CNTNAP5: variants seen among roughly 807,000 people sequenced by gnomAD.
CNTNAP5 encodes the protein contactin-associated protein-like 5.
Under a neutral mutation model 150.2 loss-of-function variants are expected in CNTNAP5, and 72 were observed. That is an observed-to-expected ratio of 0.48 (90% CI 0.40 to 0.58). CNTNAP5 has a LOEUF of 0.58. Ranked by LOEUF, CNTNAP5 falls within the 20% of genes least tolerant of loss-of-function variation. CNTNAP5 has a pLI of 0.00. For synonymous variants in CNTNAP5, 672 were observed against 619.8 expected (o/e 1.08, Z -1.25); for missense variants, 1,636 against 1,626.2 (o/e 1.01, Z -0.10).
intron 6 of CNTNAP5, among the ~76,000 whole-genome samples, chr2:124,458,776 A>G (rs763948235): frequency 1.3e-5 from 2 of 152,244 alleles, no homozygotes; most frequent in South Asian, 2.1e-4. Flanking sequence ...AAAAATATGT[A>G]AAGAAAATGA....
rs371322470 is a variant in CNTNAP5, at chr2:124,279,497, G to A, written c.381+37104G>A. Among the ~76,000 whole-genome samples, 14 of 151,916 alleles carry A rather than the reference G, an allele frequency of 9.2e-5. No homozygotes were observed. In the South Asian group the frequency reaches 1.9e-3, roughly 20 times the overall value. On this transcript the variant is annotated intron_variant, in intron 3 of 23. Transcript: ENST00000682447. ...CTACACTATATGTACCAGACTCTGT[G>A]CTAAAGGCCCTCAAACTTCATTCAA...
intron 3 of CNTNAP5, among the ~76,000 whole-genome samples, chr2:124,378,777 C>T (rs929403918): frequency 2.0e-5 from 3 of 151,946 alleles, no homozygotes; most frequent in African/African-American, 2.4e-5. Flanking sequence ...GGATGATGCT[C>T]GTATCGAGGT....
intron 1 of CNTNAP5, among the ~76,000 whole-genome samples, chr2:124,168,311 G>A (rs765755461): frequency 3.9e-5 from 6 of 152,184 alleles, no homozygotes; most frequent in Non-Finnish European, 7.3e-5. Context: ...CTGCCCGGAC[G>A]TTGGACTGTT....
At position 124,454,214 on chromosome 2, in the gene CNTNAP5, C is replaced by T. The variant is rs58663469; in HGVS notation, c.918+7277C>T. Among the ~76,000 whole-genome samples the T allele has an allele frequency of 3.7e-3, 562 of 152,156 alleles. 2 individuals carry two copies. The highest frequency in any genetic ancestry group is 0.013 in the African/African-American group (538 of 41,524). Reference sequence around the variant, plus strand: ...GGTAAAGGGATGGAAAAAGACATTCCATGAAAATGGACAGCAAAAGTGAGC... The same window carrying T: ...GGTAAAGGGATGGAAAAAGACATTCTATGAAAATGGACAGCAAAAGTGAGC... On this transcript the variant is annotated intron_variant, in intron 6 of 23. Coordinates refer to ENST00000682447, the MANE Select transcript of CNTNAP5 (RefSeq NM_001367498.1).
chr2:124,115,792 TTGTGTGTGTGTGTGTG>T (rs5834038), intron 1 of CNTNAP5, among the ~76,000 whole-genome samples: 1 of 138,206 alleles, frequency 7.2e-6, no homozygotes. Flanking sequence ...GCCTGGCTAA[TTGTGTGTGTGTGTGTG>T]TGTGTGTGTG....
At position 124,233,041 on chromosome 2, in the gene CNTNAP5, GTTT is replaced by G. The variant is rs10716079; in HGVS notation, c.188-9148_188-9146del. On this transcript the variant is annotated intron_variant, in intron 2 of 23. Coordinates refer to ENST00000682447, the MANE Select transcript of CNTNAP5 (RefSeq NM_001367498.1). ...TTTGTGAGACTTTTTGTATCTGTGG[GTTT>G]TTTTTTTTTTCATTACAAAAGGATT... Among the ~76,000 whole-genome samples, 383 of 145,392 alleles carry G rather than the reference GTTT, an allele frequency of 2.6e-3. 1 individual carries two copies. The highest frequency in any genetic ancestry group is 9.0e-3 in the African/African-American group (360 of 39,868).
chr2:124,453,334 GA>G (rs1388784503), intron 6 of CNTNAP5, among the ~76,000 whole-genome samples: 3 of 151,794 alleles, frequency 2.0e-5, no homozygotes, highest in Admixed American at 2.0e-4. Context: ...CAAAGGCAAA[GA>G]AAATAGAATA....
intron 1 of CNTNAP5, among the ~76,000 whole-genome samples, chr2:124,213,891 C>T (rs993028317): frequency 6.6e-6 from 1 of 152,004 alleles, no homozygotes; most frequent in Non-Finnish European, 1.5e-5. Context: ...GTGGGGCATC[C>T]GTGTACAGAT....
intron 21 of CNTNAP5, among the ~76,000 whole-genome samples, chr2:124,870,883 G>A (rs1453573190): frequency 2.0e-5 from 3 of 151,936 alleles, no homozygotes; most frequent in Non-Finnish European, 2.9e-5. Flanking sequence ...AGCTGAAAAG[G>A]CATAAAAATG....
intron 1 of CNTNAP5, among the ~76,000 whole-genome samples, chr2:124,119,058 A>T (rs565498304): frequency 6.6e-6 from 1 of 152,226 alleles, no homozygotes; most frequent in African/African-American, 2.4e-5. Flanking sequence ...GGGCCGTTGC[A>T]CTTAGTGTTC....
chr2:124,445,256 A>AT (rs879888877), intron 5 of CNTNAP5, among the ~76,000 whole-genome samples: 151 of 146,306 alleles, frequency 1.0e-3, no homozygotes, highest in East Asian at 4.6e-3. Context: ...TGCCTGGCTA[A>AT]TTTTTTTTTT....
intron 16 of CNTNAP5, among the ~76,000 whole-genome samples, chr2:124,767,856 T>C (rs1681099745): frequency 6.6e-6 from 1 of 152,208 alleles, no homozygotes; most frequent in African/African-American, 2.4e-5. Context: ...ATGTTGAATG[T>C]CTACTTCGGT....
chr2:124,628,697 C>A (rs1038542684), intron 12 of CNTNAP5, among the ~76,000 whole-genome samples: 2 of 152,094 alleles, frequency 1.3e-5, no homozygotes, highest in African/African-American at 2.4e-5. Context: ...ATGACAGGGT[C>A]AAATTCACAT....
At chr2:124,058,717 T>C (rs560138274) in intron 1 of CNTNAP5, among the ~76,000 whole-genome samples, 1 of 152,328 alleles carries the variant, frequency 6.6e-6, no homozygotes, top group South Asian at 2.1e-4. Context: ...TATTTGTTAA[T>C]TGAAGAACTC....
intron 19 of CNTNAP5, among the ~76,000 whole-genome samples, chr2:124,858,672 A>G (rs1461792184): frequency 6.6e-6 from 1 of 152,240 alleles, no homozygotes; most frequent in Non-Finnish European, 1.5e-5. Flanking sequence ...TGCAAGCCTC[A>G]TGGAAACATT....
chr2:124,110,962 C>T (rs1463086810), intron 1 of CNTNAP5, among the ~76,000 whole-genome samples: 1 of 152,134 alleles, frequency 6.6e-6, no homozygotes, highest in Non-Finnish European at 1.5e-5. Flanking sequence ...ACAAGTGAGG[C>T]TCCTCTGATC....
chr2:124,204,678 G>A (rs775482251), intron 1 of CNTNAP5, among the ~76,000 whole-genome samples: 7 of 152,214 alleles, frequency 4.6e-5, no homozygotes, highest in Admixed American at 3.3e-4. Flanking sequence ...CATGGTGGAA[G>A]GCAAGAGAGC....
chr2:124,472,479 A>G (rs762068629), intron 6 of CNTNAP5, among the ~76,000 whole-genome samples: 4 of 151,630 alleles, frequency 2.6e-5, no homozygotes, highest in Non-Finnish European at 2.9e-5. Context: ...GCTAGGAGTT[A>G]GGAAGTTTTG....
chr2:124,060,672 T>C (rs966849867), intron 1 of CNTNAP5, among the ~76,000 whole-genome samples: 2 of 152,190 alleles, frequency 1.3e-5, no homozygotes, highest in African/African-American at 2.4e-5. Context: ...TAAGCGTCTT[T>C]GCATTATTAG....
Sources: gnomAD v4.1 joint callset for allele counts (sites outside exome capture counted in the v4.1 genomes callset) on GRCh38, gnomAD v4.1.1 for gene constraint, MANE v1.5 for transcripts, NCBI Gene and HGNC (gene_info 2026-07-23, HGNC 2026-07-21) for gene names.